Variants in CACNA2D3 observed in about 807,000 individuals in gnomAD.
CACNA2D3 encodes voltage-dependent calcium channel subunit alpha-2/delta-3.
In CACNA2D3, 60 loss-of-function variants were observed where a neutral mutation model predicts 160.6. The ratio of observed to expected loss-of-function variants is 0.37; its 90% confidence interval spans 0.30 to 0.46. The LOEUF (loss-of-function observed/expected upper bound fraction) is 0.46, where lower values mean the gene tolerates loss of function less well. CACNA2D3 is among the 20% of genes least tolerant of loss of function. The probability of loss-of-function intolerance (pLI) is 1.00; values close to 1 mark genes in which losing one functional copy is unlikely to be tolerated. For missense variants in CACNA2D3, 1,205 were observed against 1,365.0 expected, an observed-to-expected ratio of 0.88 and a Z score of 1.85; for synonymous variants, 558 against 492.9, an observed-to-expected ratio of 1.13 and a Z score of -1.75.
chr3:54,789,788 A>G, intron 13 of CACNA2D3: 1 of 494,802 alleles, frequency 2.0e-6, no homozygotes. Context: ...GGCAGTGTTC[A>G]CTGAGGCCAG....
chr3:54,519,653 T>C (rs1264460889), intron 5 of CACNA2D3, among the ~76,000 whole-genome samples: 1 of 152,234 alleles, frequency 6.6e-6, no homozygotes, highest in African/African-American at 2.4e-5. Flanking sequence ...AGATATGTAA[T>C]ATACTTTCAG....
intron 5 of CACNA2D3, among the ~76,000 whole-genome samples, chr3:54,533,794 A>AGTGTGTGT (rs61234075): frequency 6.7e-6 from 1 of 149,858 alleles, no homozygotes; most frequent in African/African-American, 2.5e-5. Flanking sequence ...AATGGAAAAT[A>AGTGTGTGT]GTGTGTGTGT....
At chr3:54,477,370 G>T (rs1243514081) in intron 4 of CACNA2D3, among the ~76,000 whole-genome samples, 1 of 151,978 alleles carries the variant, frequency 6.6e-6, no homozygotes, top group Non-Finnish European at 1.5e-5. Flanking sequence ...CTAGGACATG[G>T]ATATTTATCC....
chr3:54,240,805 G>C (rs1413874092), intron 2 of CACNA2D3, among the ~76,000 whole-genome samples: 1 of 152,106 alleles, frequency 6.6e-6, no homozygotes, highest in African/African-American at 2.4e-5. Flanking sequence ...GCAATGGTGC[G>C]ATCTCGGCTC....
intron 17 of CACNA2D3, among the ~76,000 whole-genome samples, chr3:54,864,296 G>T (rs1699355052): frequency 6.7e-6 from 1 of 148,570 alleles, no homozygotes; most frequent in South Asian, 2.1e-4. Flanking sequence ...TTTTTTCCAA[G>T]ACAGTCTCTC....
chr3:54,817,005 G>C, intron 14 of CACNA2D3, 135 bp downstream of exon 14: 1 of 1,039,620 alleles, frequency 9.6e-7, no homozygotes, highest in Non-Finnish European at 1.4e-6. Flanking sequence ...CCTGAAGTTG[G>C]GCAGGAACAG....
intron 8 of CACNA2D3, among the ~76,000 whole-genome samples, chr3:54,573,979 C>T (rs145573539): frequency 2.1e-4 from 32 of 152,250 alleles, no homozygotes; most frequent in Middle Eastern, 3.4e-3. Flanking sequence ...GTGTAGAGGG[C>T]GACCCAACTG....
At chr3:54,888,490 G>A (rs963251329) in intron 24 of CACNA2D3, among the ~76,000 whole-genome samples, 2 of 152,132 alleles carry the variant, frequency 1.3e-5, no homozygotes, top group Non-Finnish European at 2.9e-5. Flanking sequence ...AGTGGAGGGT[G>A]GAGGGCTGTG....
chr3:54,144,342 C>A (rs1576955994), intron 2 of CACNA2D3, among the ~76,000 whole-genome samples: 2 of 152,184 alleles, frequency 1.3e-5, no homozygotes, highest in East Asian at 1.9e-4. Flanking sequence ...CTCTGATGAA[C>A]ATCTTTTCTG....
At chr3:55,044,784 C>T (rs1704040123) in intron 35 of CACNA2D3, among the ~76,000 whole-genome samples, 1 of 152,002 alleles carries the variant, frequency 6.6e-6, no homozygotes, top group African/African-American at 2.4e-5. Context: ...TAAGGGAGTT[C>T]CTTCTGTTCC....
intron 27 of CACNA2D3, among the ~76,000 whole-genome samples, chr3:54,921,709 G>A (rs528717902): frequency 1.3e-5 from 2 of 152,248 alleles, no homozygotes; most frequent in South Asian, 2.1e-4. Flanking sequence ...TAGAGGCCAC[G>A]TGATAAACTT....
At chr3:54,812,507 C>G (rs928178915) in intron 13 of CACNA2D3, among the ~76,000 whole-genome samples, 3 of 152,200 alleles carry the variant, frequency 2.0e-5, no homozygotes, top group Non-Finnish European at 4.4e-5. Flanking sequence ...AGAGCACGGA[C>G]AGTCTTCATG....
chr3:55,044,198 G>T (rs576405912), intron 35 of CACNA2D3, among the ~76,000 whole-genome samples: 1 of 152,264 alleles, frequency 6.6e-6, no homozygotes, highest in South Asian at 2.1e-4. Flanking sequence ...CAGCTGGGGA[G>T]CCCTGACATC....
At chr3:54,436,312 A>G (rs1700058869) in intron 4 of CACNA2D3, among the ~76,000 whole-genome samples, 1 of 152,196 alleles carries the variant, frequency 6.6e-6, no homozygotes, top group Admixed American at 6.5e-5. Flanking sequence ...AAATAGGAAC[A>G]CTTTTACACT....
intron 12 of CACNA2D3, among the ~76,000 whole-genome samples, chr3:54,757,128 C>G (rs945384865): frequency 3.9e-5 from 6 of 152,192 alleles, no homozygotes; most frequent in Non-Finnish European, 5.9e-5. Context: ...GTGACCTTCT[C>G]TAACATTCAG....
At chr3:54,969,942 T>C (rs1373001441) in intron 29 of CACNA2D3, 98 bp downstream of exon 29, 23 of 1,018,158 alleles carry the variant, frequency 2.3e-5, no homozygotes, top group Non-Finnish European at 2.7e-5. Context: ...AAGGCCAGGT[T>C]GACGCATTGT....
intron 11 of CACNA2D3, among the ~76,000 whole-genome samples, chr3:54,665,430 C>T (rs1213334862): frequency 1.3e-5 from 2 of 152,178 alleles, no homozygotes; most frequent in Admixed American, 6.5e-5. Context: ...CGCCTTCTTG[C>T]TCAATGAACA....
Position 54,206,468 on chromosome 3 carries a change from A to G in CACNA2D3, c.204+82874A>G, listed in dbSNP as rs563188103. On this transcript the variant is annotated intron_variant, in intron 2 of 37. Transcript: ENST00000474759. ...GTCCTGGGAGGAAGGTCTCATTACT[A>G]CTGGCTTTTCCAAATTATAATGGTT... Among the ~76,000 whole-genome samples the G allele has an allele frequency of 2.6e-5, 4 of 152,270 alleles. No homozygotes were observed. In the South Asian group the frequency reaches 8.3e-4, roughly 32 times the overall value.
At chr3:54,301,699 C>G (rs1415419950) in intron 2 of CACNA2D3, among the ~76,000 whole-genome samples, 2 of 152,070 alleles carry the variant, frequency 1.3e-5, no homozygotes, top group Non-Finnish European at 2.9e-5. Context: ...TTTATCCTAC[C>G]CCATGAAACA....
Sources: gnomAD v4.1 joint callset for allele counts (sites outside exome capture counted in the v4.1 genomes callset) on GRCh38, gnomAD v4.1.1 for gene constraint, MANE v1.5 for transcripts, NCBI Gene and HGNC (gene_info 2026-07-23, HGNC 2026-07-21) for gene names.